SCAPER: variants seen among roughly 807,000 people sequenced by gnomAD.
The protein encoded by SCAPER is S phase cyclin A-associated protein in the endoplasmic reticulum.
In SCAPER, 98 loss-of-function variants were observed where a neutral mutation model predicts 182.2. That is an observed-to-expected ratio of 0.54 (90% CI 0.46 to 0.64). The LOEUF is 0.64. Among genes scored for constraint, SCAPER ranks in the 30% least tolerant of loss-of-function variants. The pLI is 0.00. For missense variants in SCAPER, 1,432 were observed against 1,690.0 expected (o/e 0.85, Z 2.68); for synonymous variants, 605 against 564.6 (o/e 1.07, Z -1.01).
chr15:76,775,153 T>C (rs766610734), intron 8 of SCAPER, 36 bp from the exon 9 acceptor site: 5 of 1,530,050 alleles, frequency 3.3e-6, no homozygotes, highest in East Asian at 4.6e-5. Context: ...TCAAGATTTA[T>C]TTAGATGATA....
chr15:76,826,636 G>C (rs1337001060), intron 5 of SCAPER, among the ~76,000 whole-genome samples: 1 of 149,754 alleles, frequency 6.7e-6, no homozygotes, highest in African/African-American at 2.5e-5. Context: ...ATCCATAGAA[G>C]GAGGAGCATG....
At chr15:76,836,739 T>G (rs2068986314) in intron 5 of SCAPER, among the ~76,000 whole-genome samples, 1 of 151,868 alleles carries the variant, frequency 6.6e-6, no homozygotes, top group African/African-American at 2.4e-5. Context: ...CCGGGCGTGG[T>G]GGCAGGCACC....
chr15:76,414,905 G>A (rs958984329), intron 26 of SCAPER, among the ~76,000 whole-genome samples: 5 of 152,234 alleles, frequency 3.3e-5, no homozygotes, highest in African/African-American at 1.2e-4. Context: ...AAGTTTATTT[G>A]ATAGAATTTG....
chr15:76,494,348 C>G (rs1178637190), intron 24 of SCAPER, among the ~76,000 whole-genome samples: 1 of 152,172 alleles, frequency 6.6e-6, no homozygotes, highest in African/African-American at 2.4e-5. Flanking sequence ...TTTTGGTTCA[C>G]CTTTCTCATG....
At chr15:76,851,275 A>G (rs560023640) in intron 4 of SCAPER, among the ~76,000 whole-genome samples, 14 of 152,338 alleles carry the variant, frequency 9.2e-5, no homozygotes, top group Non-Finnish European at 1.8e-4. Context: ...TCAGGATAGT[A>G]TCCATGATAA....
chr15:76,809,324 G>A (rs2066418527), intron 5 of SCAPER, among the ~76,000 whole-genome samples: 1 of 152,080 alleles, frequency 6.6e-6, no homozygotes, highest in South Asian at 2.1e-4. Flanking sequence ...ATCACATAGA[G>A]AATTCAAAAG....
chr15:76,860,807 T>C (rs553436178), intron 3 of SCAPER, among the ~76,000 whole-genome samples: 2 of 152,128 alleles, frequency 1.3e-5, no homozygotes, highest in Admixed American at 6.6e-5. Context: ...AAACATAAAT[T>C]TAAGAGAATA....
At chr15:76,648,914 C>A (rs923028058) in intron 21 of SCAPER, among the ~76,000 whole-genome samples, 1 of 152,302 alleles carries the variant, frequency 6.6e-6, no homozygotes, top group South Asian at 2.1e-4. Context: ...AGGTAGAGAC[C>A]CTATCTGCAT....
chr15:76,799,573 C>G (rs772497245), intron 7 of SCAPER, among the ~76,000 whole-genome samples: 2 of 152,076 alleles, frequency 1.3e-5, no homozygotes, highest in Non-Finnish European at 1.5e-5. Context: ...CAATTTCAAA[C>G]ATATCCACAA....
intron 16 of SCAPER, 81 bp from the exon 17 acceptor site, chr15:76,728,818 A>G: frequency 7.0e-7 from 1 of 1,432,688 alleles, no homozygotes; most frequent in East Asian, 2.5e-5. Flanking sequence ...CTTTCACCAA[A>G]CTTACATGTT....
chr15:76,410,285 C>T (rs772672969), intron 26 of SCAPER, among the ~76,000 whole-genome samples: 2 of 152,070 alleles, frequency 1.3e-5, no homozygotes, highest in Admixed American at 1.3e-4. Flanking sequence ...TTAAGATAAC[C>T]GTTTGTAATC....
chr15:76,689,441 G>A (rs1404484699), intron 20 of SCAPER, among the ~76,000 whole-genome samples: 1 of 152,008 alleles, frequency 6.6e-6, no homozygotes, highest in Non-Finnish European at 1.5e-5. Flanking sequence ...CTTACTATGT[G>A]TATATTTTAT....
intron 2 of SCAPER, among the ~76,000 whole-genome samples, chr15:76,877,247 T>TC (rs2073239917): frequency 6.6e-6 from 1 of 150,962 alleles, no homozygotes; most frequent in African/African-American, 2.4e-5. Flanking sequence ...GCTTAAAGTC[T>TC]CCCACTGGCT....
intron 27 of SCAPER, among the ~76,000 whole-genome samples, chr15:76,397,410 T>C (rs8023486): frequency 6.6e-6 from 1 of 151,592 alleles, no homozygotes; most frequent in African/African-American, 2.4e-5. Flanking sequence ...TTAGTTGTTC[T>C]TTAAATGTTT....
chr15:76,775,890 G>GT (rs1362504778), intron 8 of SCAPER, among the ~76,000 whole-genome samples: 13 of 152,172 alleles, frequency 8.5e-5, no homozygotes, highest in African/African-American at 2.9e-4. Flanking sequence ...CAATGTTGAG[G>GT]TATTTATATG....
chr15:76,700,890 G>T lies in SCAPER; in HGVS notation c.2508+868C>A, dbSNP rs146805620. Among the ~76,000 whole-genome samples the T allele has an allele frequency of 6.7e-3, 1,023 of 152,142 alleles. 16 individuals are homozygous for T. Among genetic ancestry groups the T allele is most frequent in the African/African-American group, 0.023 (943 of 41,500 alleles). ...ATGATAACATTTGTATGAAATTTAA[G>T]AACAGGCAACACTAAATAATGATAC... On this transcript the variant is annotated intron_variant, in intron 20 of 31. Transcript: ENST00000563290.
At chr15:76,887,086 A>G (rs2073880220) in intron 1 of SCAPER, among the ~76,000 whole-genome samples, 1 of 152,182 alleles carries the variant, frequency 6.6e-6, no homozygotes, top group Admixed American at 6.5e-5. Context: ...AATAATCTGT[A>G]CAACAAAGTC....
intron 8 of SCAPER, among the ~76,000 whole-genome samples, chr15:76,777,356 T>G (rs2063803502): frequency 6.6e-6 from 1 of 152,150 alleles, no homozygotes; most frequent in Non-Finnish European, 1.5e-5. Context: ...AAAACTACCT[T>G]TAATAAATGG....
chr15:76,398,213 C>T (rs1267038217), intron 27 of SCAPER, among the ~76,000 whole-genome samples: 1 of 152,176 alleles, frequency 6.6e-6, no homozygotes, highest in Non-Finnish European at 1.5e-5. Flanking sequence ...AGACAAGTAA[C>T]CGTCATTTCT....
Sources: gnomAD v4.1 joint callset for allele counts (sites outside exome capture counted in the v4.1 genomes callset) on GRCh38, gnomAD v4.1.1 for gene constraint, MANE v1.5 for transcripts, NCBI Gene and HGNC (gene_info 2026-07-23, HGNC 2026-07-21) for gene names.